The following DAP variants were observed in gnomAD, a reference collection of about 807,000 sequenced individuals.
DAP encodes death-associated protein 1.
A neutral mutation model predicts 13.8 loss-of-function variants in DAP; 8 were observed. The ratio of observed to expected loss-of-function variants is 0.58; its 90% CI spans 0.34 to 1.05. The LOEUF (loss-of-function observed/expected upper bound fraction) is 1.05. DAP is among the 50% of genes least tolerant of loss of function. The pLI is 0.03. For synonymous variants in DAP, 47 were observed against 47.5 expected, an observed-to-expected ratio of 0.99 and a Z score of 0.04; for missense variants, 106 against 133.2, an observed-to-expected ratio of 0.80 and a Z score of 1.01.
At chr5:10,684,710 C>A (rs923476500) in intron 2 of DAP, among the ~76,000 whole-genome samples, 2 of 152,180 alleles carry the variant, frequency 1.3e-5, no homozygotes, top group African/African-American at 4.8e-5. Context: ...CTCTTCTGTA[C>A]ACTTATTTTT....
chr5:10,718,214 T>C (rs1009099580), intron 2 of DAP, among the ~76,000 whole-genome samples: 2 of 152,156 alleles, frequency 1.3e-5, no homozygotes, highest in East Asian at 1.9e-4. Context: ...CAAAACATCA[T>C]TGTGGTCCTC....
At chr5:10,711,039 T>C (rs907123772) in intron 2 of DAP, among the ~76,000 whole-genome samples, 1 of 152,168 alleles carries the variant, frequency 6.6e-6, no homozygotes, top group Non-Finnish European at 1.5e-5. Context: ...AAATAACAAC[T>C]GAGGTCTTTA....
rs1257281879 is a variant in DAP, at chr5:10,680,825, G to A, written c.*231C>T. 2.0e-6 allele frequency: 3 copies of A among 1,536,854 alleles called. No homozygotes were observed. The highest frequency in any genetic ancestry group is 2.6e-6 in the Non-Finnish European group (3 of 1,147,042). On this transcript the variant is annotated 3_prime_UTR_variant, in exon 4 of 4. Transcript: ENST00000230895. ...GCAAATTCTGCTAATGGCACCTCTA[G>A]GGGCACAATGATCCTCAAATGACAT... is the stretch of plus-strand genomic sequence containing the variant.
intron 1 of DAP, among the ~76,000 whole-genome samples, chr5:10,758,665 G>A (rs920639421): frequency 2.6e-5 from 4 of 152,152 alleles, no homozygotes; most frequent in Non-Finnish European, 5.9e-5. Context: ...GACTTGCCCC[G>A]AGGCCCAAAC....
chr5:10,681,990 T>C (rs1018874488), intron 3 of DAP, among the ~76,000 whole-genome samples: 1 of 144,770 alleles, frequency 6.9e-6, no homozygotes, highest in Admixed American at 6.9e-5. Context: ...GGGGTTTGTA[T>C]GTGTGGAAAC....
chr5:10,694,527 C>T (rs1444615749), intron 2 of DAP, among the ~76,000 whole-genome samples: 1 of 152,142 alleles, frequency 6.6e-6, no homozygotes, highest in Non-Finnish European at 1.5e-5. Context: ...GGCAAAGAGA[C>T]TGCTTTTCCA....
chr5:10,720,779 A>G (rs940206620), intron 2 of DAP, among the ~76,000 whole-genome samples: 7 of 152,210 alleles, frequency 4.6e-5, no homozygotes, highest in Admixed American at 1.3e-4. Context: ...GTTGATTATA[A>G]TGGACCTTTT....
At chr5:10,705,389 C>T (rs1738672914) in intron 2 of DAP, among the ~76,000 whole-genome samples, 1 of 152,212 alleles carries the variant, frequency 6.6e-6, no homozygotes, top group Admixed American at 6.5e-5. Context: ...CTAGGGAATC[C>T]ATTTCTCCAT....
chr5:10,683,508 C>T (rs143543019), intron 3 of DAP, 21 bp downstream of exon 3: 185 of 1,613,586 alleles, frequency 1.1e-4, no homozygotes, highest in African/African-American at 2.3e-4. Flanking sequence ...TCAAACCCAC[C>T]GCAGACACTC....
chr5:10,684,888 G>A (rs542187890), intron 2 of DAP, among the ~76,000 whole-genome samples: 3 of 152,256 alleles, frequency 2.0e-5, no homozygotes, highest in Non-Finnish European at 4.4e-5. Context: ...GGACACTCAC[G>A]GAGGTGGGTG....
chr5:10,690,343 G>A (rs1738276693), intron 2 of DAP, among the ~76,000 whole-genome samples: 1 of 152,162 alleles, frequency 6.6e-6, no homozygotes, highest in Non-Finnish European at 1.5e-5. Context: ...TACCATTTTA[G>A]CCATTTTTAA....
At chr5:10,759,328 G>C (rs1740280553) in intron 1 of DAP, among the ~76,000 whole-genome samples, 1 of 152,218 alleles carries the variant, frequency 6.6e-6, no homozygotes, top group Non-Finnish European at 1.5e-5. Flanking sequence ...GGCTGCTGCA[G>C]TTCCTGGAGG....
chr5:10,685,093 A>C (rs1738123205), intron 2 of DAP, among the ~76,000 whole-genome samples: 1 of 152,190 alleles, frequency 6.6e-6, no homozygotes, highest in Non-Finnish European at 1.5e-5. Context: ...CAGCATTCCG[A>C]AAGTTCACTG....
At chr5:10,745,417 T>C (rs1452118975) in intron 2 of DAP, among the ~76,000 whole-genome samples, 1 of 152,230 alleles carries the variant, frequency 6.6e-6, no homozygotes, top group Admixed American at 6.5e-5. Context: ...GCCTTGCTCA[T>C]GTGCTTTGCA....
In DAP at chr5:10,699,179, C is replaced by T. The variant is rs149430646; in HGVS notation, c.153-15608G>A. On this transcript the variant is annotated intron_variant, in intron 2 of 3. Transcript: ENST00000230895. ...CCAGGTTCACATTTGTTCACATCTACCTACCTACCTACCTACCTACTTACC... is the reference window on the plus strand; with the variant it reads ...CCAGGTTCACATTTGTTCACATCTATCTACCTACCTACCTACCTACTTACC... 1.1e-4 allele frequency among the ~76,000 whole-genome samples: 17 copies of T among 152,168 alleles called. No individual in the cohort carries two copies. The East Asian group carries it at 3.1e-3, about 28-fold the overall frequency.
At chr5:10,703,933 G>A (rs1398193208) in intron 2 of DAP, among the ~76,000 whole-genome samples, 1 of 152,240 alleles carries the variant, frequency 6.6e-6, no homozygotes, top group Non-Finnish European at 1.5e-5. Context: ...ATACAGCAGC[G>A]GTGAAGAGGG....
intron 1 of DAP, among the ~76,000 whole-genome samples, chr5:10,752,113 C>T: frequency 6.6e-6 from 1 of 152,212 alleles, no homozygotes; most frequent in East Asian, 1.9e-4. Context: ...TTGAAATGAT[C>T]AAGTCTTCTG....
At chr5:10,717,013 C>T (rs2126655986) in intron 2 of DAP, among the ~76,000 whole-genome samples, 1 of 152,242 alleles carries the variant, frequency 6.6e-6, no homozygotes, top group Middle Eastern at 3.4e-3. Context: ...TAGACTTATG[C>T]AAAATAAATG....
At chr5:10,710,604 A>G (rs267988) in intron 2 of DAP, among the ~76,000 whole-genome samples, 45,218 of 152,060 alleles carry the variant, frequency 0.3, 9,516 homozygotes, top group African/African-American at 0.6. Context: ...GGAAGGCACG[A>G]GGGTCCACAC....
Sources: gnomAD v4.1 joint callset for allele counts (sites outside exome capture counted in the v4.1 genomes callset) on GRCh38, gnomAD v4.1.1 for gene constraint, MANE v1.5 for transcripts, NCBI Gene and HGNC (gene_info 2026-07-23, HGNC 2026-07-21) for gene names.